Variants in WDR44 observed in about 807,000 individuals in gnomAD.
WDR44 encodes WD repeat-containing protein 44.
A neutral mutation model predicts 65.7 loss-of-function variants in WDR44; 9 were observed. The observed-to-expected ratio is 0.14, with a 90% CI of 0.08 to 0.24. The LOEUF (loss-of-function observed/expected upper bound fraction) is 0.24. Ranked by LOEUF, WDR44 falls within the 10% of genes least tolerant of loss-of-function variation. WDR44 has a pLI of 1.00. For missense variants in WDR44, 425 were observed against 670.9 expected, an observed-to-expected ratio of 0.63 and a Z score of 4.05; for synonymous variants, 220 against 235.2, an observed-to-expected ratio of 0.94 and a Z score of 0.59.
chrX:118,353,094 T>C (rs973325336), intron 1 of WDR44, among the ~76,000 whole-genome samples: 1 of 112,389 alleles, frequency 8.9e-6, no homozygotes, highest in African/African-American at 3.2e-5. Flanking sequence ...ATAGTTAGGC[T>C]AATATCTACA....
At chrX:118,413,837 C>G (rs2057031772) in intron 12 of WDR44, among the ~76,000 whole-genome samples, 1 of 111,370 alleles carries the variant, frequency 9.0e-6, no homozygotes, top group African/African-American at 3.3e-5. Flanking sequence ...GTCCTTAATC[C>G]CTCTTGAGTT....
At chrX:118,406,743 C>G (rs1454674724) in intron 9 of WDR44, 132 bp from the exon 10 acceptor site, 3 of 576,194 alleles carry the variant, frequency 5.2e-6, no homozygotes, top group Non-Finnish European at 7.6e-6. Context: ...ATGTTTTTAA[C>G]CAGTATGTTA....
In WDR44 at chrX:118,393,087, C is replaced by T. The variant is rs142152686; in HGVS notation, c.642C>T (p.Pro214=). The T allele has an allele frequency of 5.1e-5, 62 of 1,210,265 alleles. No homozygotes were observed. Among genetic ancestry groups the T allele is most frequent in the Non-Finnish European group, 6.9e-5 (62 of 895,312 alleles). The part of the protein sequence containing the change: ...AAVEEVAPAK[P]PRHLTPEPDI... ...TGGAAGAAGTGGCCCCTGCCAAACC[C>T]CCAAGACACCTTACTCCAGAGCCTG... The change falls in exon 4 of 20, where the codon CCC becomes CCT. Residue 214 remains proline, a synonymous_variant. Coordinates refer to ENST00000254029, the MANE Select transcript of WDR44 (RefSeq NM_019045.5).
chrX:118,385,568 C>T (rs756691178), intron 2 of WDR44, among the ~76,000 whole-genome samples: 12 of 110,729 alleles, frequency 1.1e-4, no homozygotes, highest in Non-Finnish European at 2.3e-4. Context: ...GGCTTAATAC[C>T]TGGGTGATGA....
intron 2 of WDR44, among the ~76,000 whole-genome samples, chrX:118,384,042 G>GCTAATTATTATT (rs1363902032): frequency 9.3e-6 from 1 of 107,858 alleles, no homozygotes; most frequent in East Asian, 2.9e-4. Flanking sequence ...ACCATGCTTG[G>GCTAATTATTATT]CTAATTATTA....
rs749575787 is a variant in WDR44 at position 118,379,816 on chromosome X, GTC to G, written c.111+1366_111+1367del. 6.3e-5 allele frequency among the ~76,000 whole-genome samples: 7 copies of G among 111,726 alleles called. No homozygotes were observed. In the East Asian group the frequency reaches 1.4e-3, roughly 22 times the overall value. On this transcript the variant is annotated intron_variant, in intron 2 of 19. Coordinates refer to ENST00000254029, the MANE Select transcript of WDR44 (RefSeq NM_019045.5). ...ATTTACTTAATATTTAATAAAAACA[GTC>G]TTTAAAAGTAATAACGTGTAGGGTT...
intron 3 of WDR44, among the ~76,000 whole-genome samples, chrX:118,391,940 C>T (rs959251761): frequency 2.7e-5 from 3 of 111,856 alleles, no homozygotes; most frequent in African/African-American, 6.5e-5. Context: ...GATCGTGCCA[C>T]TGCACTCCAG....
At chrX:118,349,149 G>A (rs1222533719) in intron 1 of WDR44, among the ~76,000 whole-genome samples, 1 of 111,524 alleles carries the variant, frequency 9.0e-6, no homozygotes, top group African/African-American at 3.3e-5. Flanking sequence ...TTCTACAGTG[G>A]CAGATGATCT....
chrX:118,424,936 A>G (rs2057143085), intron 12 of WDR44, among the ~76,000 whole-genome samples: 1 of 112,286 alleles, frequency 8.9e-6, no homozygotes, highest in Non-Finnish European at 1.9e-5. Flanking sequence ...TCCAAAGGTA[A>G]TCAGTTTTGT....
At chrX:118,432,385 G>T (rs2057219130) in intron 12 of WDR44, among the ~76,000 whole-genome samples, 1 of 111,196 alleles carries the variant, frequency 9.0e-6, no homozygotes, top group South Asian at 3.8e-4. Context: ...CATAAACTTT[G>T]CCCAATGTCT....
chrX:118,438,933 G>T (rs764928315), intron 14 of WDR44, among the ~76,000 whole-genome samples: 1 of 105,096 alleles, frequency 9.5e-6, no homozygotes, highest in Non-Finnish European at 1.9e-5. Context: ...TTACAGACAT[G>T]CACCACCACA....
chrX:118,369,469 C>CCGAAAATAACTTTCTAATAGAAAA (rs2056589871), intron 1 of WDR44, among the ~76,000 whole-genome samples: 1 of 92,346 alleles, frequency 1.1e-5, no homozygotes, highest in African/African-American at 4.1e-5. Context: ...CCACGCCCGG[C>CCGAAAATAACTTTCTAATAGAAAA]CTTTTTTTTT....
At chrX:118,373,060 G>A (rs988054098) in intron 1 of WDR44, among the ~76,000 whole-genome samples, 3 of 110,935 alleles carry the variant, frequency 2.7e-5, no homozygotes, top group African/African-American at 9.8e-5. Flanking sequence ...CTGCACTCCA[G>A]CCTGGCCAAC....
At chrX:118,412,789 C>T (rs1259491092) in intron 12 of WDR44, among the ~76,000 whole-genome samples, 1 of 111,361 alleles carries the variant, frequency 9.0e-6, no homozygotes, top group Non-Finnish European at 1.9e-5. Context: ...TTTTGGTGCA[C>T]CCATCACCCA....
At chrX:118,381,822 A>T (rs923304187) in intron 2 of WDR44, among the ~76,000 whole-genome samples, 1 of 108,900 alleles carries the variant, frequency 9.2e-6, no homozygotes. Context: ...GCCCACCTCA[A>T]CATCCCAAAG....
rs191105081 is a variant in WDR44, at chrX:118,408,833, A to C, written c.1534-656A>C. On this transcript the variant is annotated intron_variant, in intron 10 of 19. Coordinates refer to ENST00000254029, the MANE Select transcript of WDR44 (RefSeq NM_019045.5). ...CTGCCACCCATCTTTACGTTCAGCT[A>C]GGGGACTAAGATCCCCAGCTAGGAT... Among the ~76,000 whole-genome samples, 20 of 112,078 alleles carry C rather than the reference A, an allele frequency of 1.8e-4. No individual in the cohort carries two copies. The East Asian group carries it at 5.4e-3, about 30-fold the overall frequency.
rs924580377 is a variant in WDR44 at position 118,398,035 on chromosome X, G to A, written c.1191-352G>A. The stretch of plus-strand genomic sequence containing the variant: ...GTGGATTGCCTGAGCTCAGGAGTTC[G>A]ACACGAGCCTGGGCAACATGGTGAA... On this transcript the variant is annotated intron_variant, in intron 7 of 19. Transcript: ENST00000254029. Among the ~76,000 whole-genome samples, 4 of 111,424 alleles carry A rather than the reference G, an allele frequency of 3.6e-5. No homozygotes were observed. In the Admixed American group the frequency reaches 3.8e-4, roughly 11 times the overall value.
chrX:118,396,000 C>T (rs1173114203), intron 6 of WDR44, among the ~76,000 whole-genome samples: 1 of 107,294 alleles, frequency 9.3e-6, no homozygotes, highest in Admixed American at 1.0e-4. Flanking sequence ...CCAACCTGGG[C>T]GACAGAGCAA....
At chrX:118,364,346 T>C (rs1295053946) in intron 1 of WDR44, among the ~76,000 whole-genome samples, 1 of 112,250 alleles carries the variant, frequency 8.9e-6, no homozygotes, top group Non-Finnish European at 1.9e-5. Flanking sequence ...TAGAAATAGC[T>C]GGAGGGTCTA....
Sources: gnomAD v4.1 joint callset for allele counts (sites outside exome capture counted in the v4.1 genomes callset) on GRCh38, gnomAD v4.1.1 for gene constraint, MANE v1.5 for transcripts, NCBI Gene and HGNC (gene_info 2026-07-23, HGNC 2026-07-21) for gene names.